Variants in TMEM178B observed in about 807,000 individuals in gnomAD.
TMEM178B encodes the protein transmembrane protein 178B.
In TMEM178B, 5 loss-of-function variants were observed where a neutral mutation model predicts 31.0. The observed-to-expected ratio is 0.16, with a 90% CI of 0.08 to 0.34. The LOEUF is 0.34. Among genes scored for constraint, TMEM178B ranks in the 10% least tolerant of loss-of-function variants. TMEM178B has a pLI of 1.00. For missense variants in TMEM178B, 275 were observed against 400.3 expected, an observed-to-expected ratio of 0.69 and a Z score of 2.67; for synonymous variants, 164 against 164.0, an observed-to-expected ratio of 1.00 and a Z score of 0.00.
At chr7:141,405,461 G>A (rs1800867717) in intron 2 of TMEM178B, among the ~76,000 whole-genome samples, 1 of 152,244 alleles carries the variant, frequency 6.6e-6, no homozygotes, top group South Asian at 2.1e-4. Context: ...TGACTGTGGG[G>A]CCAGTTTCCT....
In TMEM178B at chr7:141,432,346, G is replaced by A. The variant is rs554755923; in HGVS notation, c.497-5262G>A. On this transcript the variant is annotated intron_variant, in intron 2 of 3. Transcript: ENST00000565468. The stretch of plus-strand genomic sequence containing the variant: ...AATTTTGTATTTTTAATAGAGACAG[G>A]GTTTCACCATGTTGGCCAGGCTGGT... Among the ~76,000 whole-genome samples, 18 of 151,996 alleles carry A rather than the reference G, an allele frequency of 1.2e-4. No individual in the cohort carries two copies. The East Asian group carries it at 3.3e-3, about 28-fold the overall frequency.
chr7:141,377,159 G>GTATTTATTTATTTATT (rs199852618), intron 2 of TMEM178B, among the ~76,000 whole-genome samples: 148 of 145,256 alleles, frequency 1.0e-3, no homozygotes, highest in African/African-American at 2.6e-3. Context: ...GGCTACTTCT[G>GTATTTATTTATTTATT]TATTTATTTA....
At chr7:141,317,039 G>T (rs1041990952) in intron 2 of TMEM178B, among the ~76,000 whole-genome samples, 2 of 151,836 alleles carry the variant, frequency 1.3e-5, no homozygotes, top group African/African-American at 4.8e-5. Context: ...CAAGGAAGAT[G>T]ACCCAAACTT....
At chr7:141,124,673 TATA>T (rs1795461480) in intron 1 of TMEM178B, among the ~76,000 whole-genome samples, 1 of 152,236 alleles carries the variant, frequency 6.6e-6, no homozygotes, top group African/African-American at 2.4e-5. Context: ...GTCAGGAATG[TATA>T]ATAATAAATA....
intron 2 of TMEM178B, among the ~76,000 whole-genome samples, chr7:141,368,419 G>A (rs764413183): frequency 6.6e-5 from 10 of 152,228 alleles, no homozygotes; most frequent in Non-Finnish European, 1.5e-4. Flanking sequence ...GGTATAAAGT[G>A]CATAAAGTGT....
Position 141,462,834 on chromosome 7 carries a change from A to G in TMEM178B, c.635-7702A>G, listed in dbSNP as rs964502444. Among the ~76,000 whole-genome samples, 20 of 152,024 alleles carry G rather than the reference A, an allele frequency of 1.3e-4. No individual in the cohort carries two copies. In the South Asian group the frequency reaches 1.7e-3, roughly 13 times the overall value. Reference sequence around the variant, plus strand: ...GCAGCAGGTCCAGAGCACCGAGACTATCCTCCCCTCTTCCAGCCAGGTGTT... The same window carrying G: ...GCAGCAGGTCCAGAGCACCGAGACTGTCCTCCCCTCTTCCAGCCAGGTGTT... On this transcript the variant is annotated intron_variant, in intron 3 of 3. Transcript: ENST00000565468.
At chr7:141,437,236 G>T (rs1199173513) in intron 2 of TMEM178B, among the ~76,000 whole-genome samples, 1 of 152,174 alleles carries the variant, frequency 6.6e-6, no homozygotes, top group Non-Finnish European at 1.5e-5. Context: ...CTGTTCTACC[G>T]CTTACTAGCA....
At chr7:141,091,524 T>C (rs1794880322) in intron 1 of TMEM178B, among the ~76,000 whole-genome samples, 1 of 152,116 alleles carries the variant, frequency 6.6e-6, no homozygotes, top group Non-Finnish European at 1.5e-5. Context: ...TCTTTAGTGG[T>C]GTGGTGGCTG....
chr7:141,175,201 C>T (rs1353455770), intron 1 of TMEM178B, among the ~76,000 whole-genome samples: 1 of 152,104 alleles, frequency 6.6e-6, no homozygotes, highest in Non-Finnish European at 1.5e-5. Context: ...TTTCCCAACA[C>T]CATTTATTAA....
chr7:141,097,320 A>G (rs1447628383), intron 1 of TMEM178B, among the ~76,000 whole-genome samples: 2 of 144,632 alleles, frequency 1.4e-5, no homozygotes, highest in Admixed American at 1.4e-4. Flanking sequence ...GAGCCGAGAT[A>G]GCACCACTGC....
At chr7:141,084,029 T>A (rs1452428263) in intron 1 of TMEM178B, among the ~76,000 whole-genome samples, 1 of 152,248 alleles carries the variant, frequency 6.6e-6, no homozygotes, top group East Asian at 1.9e-4. Flanking sequence ...GGTCTCGAAC[T>A]CCTGACCTCA....
At chr7:141,449,128 G>T (rs529649307) in intron 3 of TMEM178B, among the ~76,000 whole-genome samples, 3 of 152,288 alleles carry the variant, frequency 2.0e-5, no homozygotes, top group East Asian at 1.9e-4. Context: ...CCTCTCCGTG[G>T]CTCTTCTGGG....
chr7:141,146,180 C>T (rs1171837872), intron 1 of TMEM178B, among the ~76,000 whole-genome samples: 1 of 152,186 alleles, frequency 6.6e-6, no homozygotes, highest in Admixed American at 6.5e-5. Flanking sequence ...AAGTGGGTGG[C>T]AGAGCTAGGA....
intron 2 of TMEM178B, among the ~76,000 whole-genome samples, chr7:141,364,920 T>C (rs1799978748): frequency 1.3e-5 from 2 of 152,216 alleles, no homozygotes; most frequent in African/African-American, 4.8e-5. Flanking sequence ...TGTTGCCACA[T>C]CTTCTGGTTT....
intron 2 of TMEM178B, among the ~76,000 whole-genome samples, chr7:141,374,259 G>A (rs931918940): frequency 3.3e-5 from 5 of 152,196 alleles, no homozygotes; most frequent in African/African-American, 9.7e-5. Context: ...AGGTGTGTCT[G>A]TGGCTCTAAT....
rs1491163669 is a variant in TMEM178B at position 141,324,417 on chromosome 7, T to TTG, written c.496+111714_496+111715insGT. Among the ~76,000 whole-genome samples the TTG allele has an allele frequency of 2.5e-3, 44 of 17,584 alleles. 1 individual carries two copies. Among genetic ancestry groups the TTG allele is most frequent in the African/African-American group, 0.022 (43 of 1,924 alleles). The allele number at this position is 17,584 out of a possible 152,430, so 11.5% of individuals were successfully genotyped here. A position where few individuals can be genotyped will look rare whatever the true frequency, so the allele number is the denominator to read the frequency against. ...GTGAGAGCAAGAGAGGAGACCAGGG[T>TTG]TTTTTTTTTTTTTTTTTTTTTTTTT... On this transcript the variant is annotated intron_variant, in intron 2 of 3. Coordinates refer to ENST00000565468, the MANE Select transcript of TMEM178B (RefSeq NM_001195278.2).
At position 141,478,755 on chromosome 7, in the gene TMEM178B, C is replaced by T. The variant is rs1165362930; in HGVS notation, c.*7969C>T. The stretch of plus-strand genomic sequence containing the variant: ...AGAAAACATCTCAGTCTGGCCCAGC[C>T]CTATTTCCAGTGTTCAATAGCCACA... On this transcript the variant is annotated 3_prime_UTR_variant, in exon 4 of 4. Coordinates refer to ENST00000565468, the MANE Select transcript of TMEM178B (RefSeq NM_001195278.2). 3 of 152,140 alleles carry T rather than the reference C, an allele frequency of 2.0e-5. No homozygotes were observed. In the East Asian group the frequency reaches 5.8e-4, roughly 29 times the overall value. 9.4% of individuals were successfully genotyped at this position (152,140 alleles called of 1,614,324 possible). A position where few individuals can be genotyped will look rare whatever the true frequency, so the allele number is the denominator to read the frequency against.
At chr7:141,502,317 C>T in the TMEM178B span, among the ~76,000 whole-genome samples, 1 of 151,944 alleles carries the variant, frequency 6.6e-6, no homozygotes. Flanking sequence ...GAAAAGAGGC[C>T]GGGGATGGTG....
chr7:141,312,215 A>C (rs7797098), intron 2 of TMEM178B, among the ~76,000 whole-genome samples: 134,096 of 152,290 alleles, frequency 0.88, 59,250 homozygotes, highest in African/African-American at 0.95. Context: ...TGGATATCTT[A>C]TCTCAGATTC....
Sources: allele counts gnomAD v4.1 joint callset (sites outside exome capture counted in the v4.1 genomes callset), GRCh38; gene constraint gnomAD v4.1.1; transcripts MANE v1.5; gene names NCBI Gene and HGNC (gene_info 2026-07-23, HGNC 2026-07-21).